The following MYO1B variants were observed in gnomAD, a reference collection of about 807,000 sequenced individuals.
The protein encoded by MYO1B is myosin IB, also known as unconventional myosin-Ib.
A neutral mutation model predicts 159.7 loss-of-function variants in MYO1B; 72 were observed. The ratio of observed to expected loss-of-function variants is 0.45; its 90% CI spans 0.37 to 0.55. The LOEUF (loss-of-function observed/expected upper bound fraction) is 0.55. Ranked by LOEUF, MYO1B falls within the 20% of genes least tolerant of loss-of-function variation. The probability of loss-of-function intolerance (pLI) is 0.00; values close to 1 mark genes in which losing one functional copy is unlikely to be tolerated. For synonymous variants in MYO1B, 468 were observed against 473.8 expected, an observed-to-expected ratio of 0.99 and a Z score of 0.16; for missense variants, 1,062 against 1,364.8, an observed-to-expected ratio of 0.78 and a Z score of 3.50.
chr2:191,322,561 G>T (rs1447438220), intron 3 of MYO1B, among the ~76,000 whole-genome samples: 1 of 152,114 alleles, frequency 6.6e-6, no homozygotes, highest in African/African-American at 2.4e-5. Context: ...TTTGATAATG[G>T]TCAGGCCTCC....
chr2:191,406,666 T>C (rs1458142036), intron 24 of MYO1B, among the ~76,000 whole-genome samples: 1 of 152,160 alleles, frequency 6.6e-6, no homozygotes, highest in Non-Finnish European at 1.5e-5. Context: ...GTTCACCATC[T>C]TACAGATAGA....
intron 7 of MYO1B, among the ~76,000 whole-genome samples, chr2:191,355,858 A>C (rs1015755595): frequency 6.6e-6 from 1 of 152,184 alleles, no homozygotes; most frequent in Non-Finnish European, 1.5e-5. Flanking sequence ...CCCTCCTCAC[A>C]ATGGAGATGG....
At chr2:191,336,559 A>G (rs148744658) in intron 4 of MYO1B, among the ~76,000 whole-genome samples, 1 of 152,234 alleles carries the variant, frequency 6.6e-6, no homozygotes, top group Admixed American at 6.5e-5. Context: ...CAATAAAAAC[A>G]TCACCAGTTG....
chr2:191,395,018 C>T (rs1173183124), intron 20 of MYO1B, among the ~76,000 whole-genome samples: 1 of 152,166 alleles, frequency 6.6e-6, no homozygotes, highest in Non-Finnish European at 1.5e-5. Context: ...CCAGATAACT[C>T]AAAAGATTTC....
intron 11 of MYO1B, among the ~76,000 whole-genome samples, chr2:191,364,727 C>T (rs1354151036): frequency 1.3e-5 from 2 of 152,166 alleles, no homozygotes; most frequent in African/African-American, 4.8e-5. Context: ...GAGGGACCTT[C>T]GAGGAGATGT....
chr2:191,290,733 A>G (rs1053751118), intron 2 of MYO1B, among the ~76,000 whole-genome samples: 5 of 152,214 alleles, frequency 3.3e-5, no homozygotes, highest in African/African-American at 1.2e-4. Context: ...CTTCCAATAT[A>G]CAGATGTTGC....
At chr2:191,370,107 A>C in intron 12 of MYO1B, 120 bp from the exon 13 acceptor site, 1 of 679,850 alleles carries the variant, frequency 1.5e-6, no homozygotes, top group African/African-American at 1.8e-5. Flanking sequence ...AAACAACTAA[A>C]TTAGTTATTT....
At chr2:191,307,057 T>C (rs754466617) in intron 3 of MYO1B, among the ~76,000 whole-genome samples, 1 of 152,198 alleles carries the variant, frequency 6.6e-6, no homozygotes, top group Non-Finnish European at 1.5e-5. Context: ...AGCAAGTTTA[T>C]TAAGAAAGTA....
At chr2:191,363,322 C>G (rs901665408) in intron 9 of MYO1B, among the ~76,000 whole-genome samples, 5 of 152,140 alleles carry the variant, frequency 3.3e-5, no homozygotes, top group Non-Finnish European at 7.3e-5. Flanking sequence ...GGGCTGGGCT[C>G]TTCACCTTTG....
At position 191,249,178 on chromosome 2, in the gene MYO1B, G is replaced by A. The variant is rs1041493393; in HGVS notation, c.-10+3552G>A. Among the ~76,000 whole-genome samples the A allele has an allele frequency of 1.4e-4, 21 of 152,178 alleles. No homozygotes were observed. The South Asian group carries it at 1.9e-3, about 14-fold the overall frequency. ...ATCTTACAGCCTTTAATAGAACATTGCACTTTGCTTCTTAACTGAGACCCG... is the reference window on the plus strand; with the variant it reads ...ATCTTACAGCCTTTAATAGAACATTACACTTTGCTTCTTAACTGAGACCCG... On this transcript the variant is annotated intron_variant, in intron 1 of 30. Transcript: ENST00000392318.
At chr2:191,372,466 G>A (rs1365752777) in intron 13 of MYO1B, among the ~76,000 whole-genome samples, 1 of 152,192 alleles carries the variant, frequency 6.6e-6, no homozygotes, top group Non-Finnish European at 1.5e-5. Flanking sequence ...CATTTCTCAA[G>A]TGTTTATTGA....
At chr2:191,360,976 C>T (rs1373379028) in intron 8 of MYO1B, among the ~76,000 whole-genome samples, 1 of 152,154 alleles carries the variant, frequency 6.6e-6, no homozygotes, top group East Asian at 1.9e-4. Flanking sequence ...ACTCCATATG[C>T]TTTGCCCCTT....
chr2:191,381,056 G>A (rs1476125771), intron 13 of MYO1B: 2 of 298,498 alleles, frequency 6.7e-6, no homozygotes, highest in Non-Finnish European at 1.3e-5. Context: ...ACAATAAGGG[G>A]TCAGTTCAGG....
At chr2:191,328,219 T>G (rs56052255) in intron 3 of MYO1B, among the ~76,000 whole-genome samples, 7 of 152,326 alleles carry the variant, frequency 4.6e-5, no homozygotes, top group African/African-American at 1.7e-4. Context: ...TCCTGGCACA[T>G]CAAAGGTGTT....
chr2:191,343,164 C>T (rs778630578), intron 5 of MYO1B, among the ~76,000 whole-genome samples: 28 of 152,148 alleles, frequency 1.8e-4, no homozygotes, highest in Non-Finnish European at 3.2e-4. Flanking sequence ...GTCAGAACCA[C>T]CCTTGATTAG....
chr2:191,369,200 C>T (rs1694204506), intron 11 of MYO1B, among the ~76,000 whole-genome samples: 1 of 152,116 alleles, frequency 6.6e-6, no homozygotes. Flanking sequence ...GACTATGTAA[C>T]ATTACTCTCA....
chr2:191,389,660 G>A (rs774428312), intron 17 of MYO1B, among the ~76,000 whole-genome samples: 1 of 152,198 alleles, frequency 6.6e-6, no homozygotes, highest in Non-Finnish European at 1.5e-5. Flanking sequence ...AAGGAGGTTG[G>A]GAAATAAAGT....
At chr2:191,353,588 C>T (rs755260596) in intron 7 of MYO1B, among the ~76,000 whole-genome samples, 7 of 152,152 alleles carry the variant, frequency 4.6e-5, no homozygotes, top group South Asian at 2.1e-4. Context: ...AGTGCAAATA[C>T]GGGCAGGCTC....
At chr2:191,349,171 T>G (rs556323919) in intron 6 of MYO1B, among the ~76,000 whole-genome samples, 1 of 152,306 alleles carries the variant, frequency 6.6e-6, no homozygotes, top group African/African-American at 2.4e-5. Flanking sequence ...TGCCATGCTT[T>G]CGCTTGTGCC....
Sources: allele counts gnomAD v4.1 joint callset (sites outside exome capture counted in the v4.1 genomes callset), GRCh38; gene constraint gnomAD v4.1.1; transcripts MANE v1.5; gene names NCBI Gene and HGNC (gene_info 2026-07-23, HGNC 2026-07-21).